Variants in FNDC1 observed in about 807,000 individuals in gnomAD.
FNDC1 encodes fibronectin type III domain-containing protein 1.
A neutral mutation model predicts 168.0 loss-of-function variants in FNDC1; 96 were observed. The observed-to-expected ratio is 0.57, with a 90% CI of 0.48 to 0.68. FNDC1 has a LOEUF of 0.68. Among genes scored for constraint, FNDC1 ranks in the 30% least tolerant of loss-of-function variants. FNDC1 has a pLI of 0.00. For missense variants in FNDC1, 2,587 were observed against 2,482.1 expected (o/e 1.04, Z -0.90); for synonymous variants, 1,099 against 1,025.9 (o/e 1.07, Z -1.36).
intron 5 of FNDC1, among the ~76,000 whole-genome samples, chr6:159,216,203 C>G (rs1269197846): frequency 6.6e-6 from 1 of 152,196 alleles, no homozygotes; most frequent in East Asian, 1.9e-4. Flanking sequence ...TTCAGATGAT[C>G]CACCCACCTC....
chr6:159,224,771 T>C (rs1782917356), intron 7 of FNDC1, among the ~76,000 whole-genome samples: 1 of 152,208 alleles, frequency 6.6e-6, no homozygotes, highest in Non-Finnish European at 1.5e-5. Context: ...GTATAACAAA[T>C]AGCACATTTT....
intron 5 of FNDC1, 118 bp from the exon 6 acceptor site, chr6:159,221,480 G>A (rs1782823390): frequency 2.6e-6 from 2 of 769,190 alleles, no homozygotes; most frequent in Middle Eastern, 3.4e-4. Context: ...CCCCCAGAAA[G>A]AGGAAACGGA....
rs1215532891 is a variant in FNDC1 at position 159,258,047 on chromosome 6, C to T, written c.5174+1416C>T. 7.2e-5 allele frequency among the ~76,000 whole-genome samples: 11 copies of T among 152,032 alleles called. No homozygotes were observed. In the East Asian group the frequency reaches 1.2e-3, roughly 16 times the overall value. On this transcript the variant is annotated intron_variant, in intron 18 of 22. Coordinates refer to ENST00000297267, the MANE Select transcript of FNDC1 (RefSeq NM_032532.3). ...TCTGAATCACAGCCTCCTGACTCGC[C>T]GAGTCCAGCGTTCTTTCCACAACTT... is the stretch of plus-strand genomic sequence containing the variant.
At position 159,234,039 on chromosome 6, in the gene FNDC1, C is replaced by T. The variant is rs773323286; in HGVS notation, c.3527C>T (p.Ser1176Leu). The T allele has an allele frequency of 3.0e-5, 48 of 1,611,992 alleles. No individual in the cohort carries two copies. Among genetic ancestry groups the T allele is most frequent in the Non-Finnish European group, 3.7e-5 (44 of 1,179,378 alleles). Reference sequence around the variant, plus strand: ...TCCTCCAAGTCCCAGCAGTCGGTCTCAGCCGAGGACGACGAGGAGGAGGAC... The same window carrying T: ...TCCTCCAAGTCCCAGCAGTCGGTCTTAGCCGAGGACGACGAGGAGGAGGAC... Reference protein sequence around the residue: ...PLSSKSQQSVSAEDDEEEDAG... With the variant: ...PLSSKSQQSVLAEDDEEEDAG... The change falls in exon 11 of 23, where the codon TCA becomes TTA. Residue 1176 changes from serine (S) to leucine (L), a missense_variant. Physicochemically the swap from Ser to Leu is moderately radical, Grantham distance 145 (BLOSUM62 -2). Transcript: ENST00000297267.
Position 159,233,383 on chromosome 6 carries a change from C to G in FNDC1, c.2871C>G (p.Asp957Glu), listed in dbSNP as rs762227524. 7 of 1,613,634 alleles carry G rather than the reference C, an allele frequency of 4.3e-6. No individual in the cohort carries two copies. Among genetic ancestry groups the G allele is most frequent in the Middle Eastern group, 1.6e-4 (1 of 6,082 alleles). Reference sequence around the variant, plus strand: ...CTCAGGATGTTCAACAGAGCACAGACGCGGACACGGAGGGTCATTCTCCCA... The same window carrying G: ...CTCAGGATGTTCAACAGAGCACAGAGGCGGACACGGAGGGTCATTCTCCCA... ...SKAQDVQQST[D>E]ADTEGHSPKA... is the part of the protein sequence containing the mutation. Residue 957 changes from aspartate (D) to glutamate (E), a missense_variant, in exon 11 of 23, where the codon GAC (aspartate) becomes GAG (glutamate). Coordinates refer to ENST00000297267, the MANE Select transcript of FNDC1 (RefSeq NM_032532.3). The surrounding 1 kb of genome is among the most constrained non-coding windows in gnomAD (Gnocchi z 4.6).
In FNDC1 at chr6:159,225,694, G is replaced by C. The variant is rs761535434; in HGVS notation, c.1044G>C (p.Thr348=). The C allele has an allele frequency of 1.9e-6, 3 of 1,611,784 alleles. No individual in the cohort carries two copies. Among genetic ancestry groups the C allele is most frequent in the Non-Finnish European group, 2.5e-6 (3 of 1,178,366 alleles). Residue 348 remains threonine (T), a synonymous_variant, in exon 8 of 23, where the codon ACG becomes ACC. Transcript: ENST00000297267. ...SQGERDGKWS[T]SVFQRTPESA... is the part of the protein sequence containing the mutation. The stretch of plus-strand genomic sequence containing the variant: ...GTGAAAGAGATGGCAAATGGAGTAC[G>C]TCAGTCTTCCAAAGAACACCAGAAT...
intron 15 of FNDC1, 91 bp from the exon 16 acceptor site, chr6:159,248,942 TTTCAGC>T: frequency 8.4e-7 from 1 of 1,195,228 alleles, no homozygotes; most frequent in Non-Finnish European, 1.2e-6. Flanking sequence ...TCTGTCTGGG[TTTCAGC>T]CTACAGTTGA....
chr6:159,252,572 G>A (rs1195688949), intron 17 of FNDC1, among the ~76,000 whole-genome samples: 1 of 152,186 alleles, frequency 6.6e-6, no homozygotes, highest in Non-Finnish European at 1.5e-5. Flanking sequence ...GGGATTAAGG[G>A]GTTCGAGTCT....
At chr6:159,241,018 A>G (rs892824846) in intron 14 of FNDC1, 2 of 152,226 alleles carry the variant, frequency 1.3e-5, no homozygotes, top group Non-Finnish European at 2.9e-5. Context: ...ATTCTGTTGG[A>G]AGTTAGTCTT....
chr6:159,205,460 C>T (rs78878172), intron 4 of FNDC1, among the ~76,000 whole-genome samples: 2,176 of 152,272 alleles, frequency 0.014, 50 homozygotes, highest in African/African-American at 0.05. Flanking sequence ...TCTGCTGATT[C>T]AAGAGCATAA....
At chr6:159,251,576 G>A in intron 17 of FNDC1, 44 bp downstream of exon 17, 1 of 1,533,194 alleles carries the variant, frequency 6.5e-7, no homozygotes, top group Non-Finnish European at 8.9e-7. Context: ...TCTGTAGGTG[G>A]GAAATGTGGA....
At chr6:159,250,006 G>C (rs1033386336) in intron 16 of FNDC1, among the ~76,000 whole-genome samples, 12 of 152,212 alleles carry the variant, frequency 7.9e-5, no homozygotes, top group Non-Finnish European at 2.9e-5. Context: ...ACTAACACGG[G>C]TCTCTGGCAT....
At chr6:159,210,415 G>C (rs1044761238) in intron 4 of FNDC1, among the ~76,000 whole-genome samples, 1 of 152,154 alleles carries the variant, frequency 6.6e-6, no homozygotes, top group African/African-American at 2.4e-5. Flanking sequence ...GCTGTGATTG[G>C]GTGCCTTCAA....
intron 4 of FNDC1, among the ~76,000 whole-genome samples, chr6:159,214,303 G>T (rs768008654): frequency 6.6e-5 from 10 of 152,158 alleles, no homozygotes; most frequent in Non-Finnish European, 1.5e-4. Context: ...TATAGTGAGG[G>T]CATTTCTTGA....
In FNDC1 at chr6:159,234,065, G is replaced by T. The variant is rs1388813612; in HGVS notation, c.3553G>T (p.Ala1185Ser). The change falls in exon 11 of 23, where the codon GCG becomes TCG. Residue 1185 changes from alanine (A) to serine (S), a missense_variant. Transcript: ENST00000297267. The part of the protein sequence containing the change: ...VSAEDDEEED[A>S]GFFKGGKEDL... ...AGCCGAGGACGACGAGGAGGAGGAC[G>T]CGGGATTTTTTAAAGGCGGGAAAGA... 6.2e-7 allele frequency: 1 copy of T among 1,612,554 alleles called. No individual in the cohort carries two copies. The highest frequency in any genetic ancestry group is 1.1e-5 in the South Asian group (1 of 90,886).
At chr6:159,242,056 C>T (rs182142980) in intron 14 of FNDC1, among the ~76,000 whole-genome samples, 74 of 152,212 alleles carry the variant, frequency 4.9e-4, no homozygotes, top group Non-Finnish European at 1.0e-3. Flanking sequence ...CAGCACTATT[C>T]ACAATAGCAA....
chr6:159,254,148 T>G (rs1216116530), intron 17 of FNDC1, among the ~76,000 whole-genome samples: 1 of 152,204 alleles, frequency 6.6e-6, no homozygotes, highest in Non-Finnish European at 1.5e-5. Flanking sequence ...CTAAATAAAA[T>G]CACGTGCACC....
intron 1 of FNDC1, among the ~76,000 whole-genome samples, chr6:159,183,602 G>C (rs1386334003): frequency 6.6e-6 from 1 of 152,198 alleles, no homozygotes; most frequent in Non-Finnish European, 1.5e-5. Context: ...AAGAGGGAAA[G>C]CCAGAGCTGG....
intron 19 of FNDC1, 140 bp downstream of exon 19, chr6:159,261,409 A>G: frequency 3.3e-6 from 2 of 608,854 alleles, no homozygotes; most frequent in Admixed American, 7.0e-5. Context: ...TAAAGTAAAC[A>G]TCATTTGCTT....
Sources: allele counts gnomAD v4.1 joint callset (sites outside exome capture counted in the v4.1 genomes callset), GRCh38; gene constraint gnomAD v4.1.1; non-coding constraint Gnocchi (gnomAD v3.1); transcripts MANE v1.5; gene names NCBI Gene and HGNC (gene_info 2026-07-23, HGNC 2026-07-21).